RASAL2: variants seen among roughly 807,000 people sequenced by gnomAD.
The protein encoded by RASAL2 is ras GTPase-activating protein nGAP.
A neutral mutation model predicts 128.9 loss-of-function variants in RASAL2; 58 were observed. The observed-to-expected ratio is 0.45, with a 90% CI of 0.36 to 0.56. The LOEUF is 0.56. Among genes scored for constraint, RASAL2 ranks in the 20% least tolerant of loss-of-function variants. The pLI is 0.00. For missense variants in RASAL2, 1,360 were observed against 1,601.6 expected (o/e 0.85, Z 2.57); for synonymous variants, 561 against 580.8 (o/e 0.97, Z 0.49).
At chr1:178,268,747 C>T (rs973744199) in intron 1 of RASAL2, among the ~76,000 whole-genome samples, 4 of 152,138 alleles carry the variant, frequency 2.6e-5, no homozygotes, top group African/African-American at 4.8e-5. Flanking sequence ...GCATGCACCA[C>T]GGCTCCTGGC....
intron 1 of RASAL2, among the ~76,000 whole-genome samples, chr1:178,200,170 T>G (rs1054806029): frequency 6.6e-6 from 1 of 152,130 alleles, no homozygotes; most frequent in Admixed American, 6.6e-5. Context: ...TAATACAAAT[T>G]TTGGTACCAA....
At chr1:178,251,536 A>C (rs1444489604) in intron 1 of RASAL2, among the ~76,000 whole-genome samples, 8 of 152,238 alleles carry the variant, frequency 5.3e-5, no homozygotes, top group Admixed American at 5.2e-4. Flanking sequence ...ACATAGTTTT[A>C]ATTGAAATGA....
intron 1 of RASAL2, among the ~76,000 whole-genome samples, chr1:178,196,758 T>A (rs1205854424): frequency 6.6e-6 from 1 of 152,316 alleles, no homozygotes; most frequent in Non-Finnish European, 1.5e-5. Flanking sequence ...AAGGGATGAC[T>A]GTAAAAGACT....
chr1:178,133,663 C>T (rs1449777690), intron 1 of RASAL2, among the ~76,000 whole-genome samples: 1 of 152,078 alleles, frequency 6.6e-6, no homozygotes, highest in East Asian at 1.9e-4. Context: ...CTGGTTAGGG[C>T]TCTTGCCCTG....
At chr1:178,121,939 C>T (rs572019393) in intron 1 of RASAL2, among the ~76,000 whole-genome samples, 3 of 152,264 alleles carry the variant, frequency 2.0e-5, no homozygotes, top group African/African-American at 4.8e-5. Flanking sequence ...GACATCACCT[C>T]ATTTTTGGCT....
intron 1 of RASAL2, among the ~76,000 whole-genome samples, chr1:178,273,708 A>G (rs144914423): frequency 1.8e-4 from 28 of 152,334 alleles, no homozygotes; most frequent in South Asian, 6.2e-4. Flanking sequence ...TTGCCATCCA[A>G]TGCATTTTCA....
In RASAL2 at chr1:178,420,547, A is replaced by G. The variant is rs1212122012; in HGVS notation, c.601A>G (p.Arg201Gly). The G allele has an allele frequency of 6.2e-7, 1 of 1,613,188 alleles. No individual in the cohort carries two copies. The highest frequency in any genetic ancestry group is 2.2e-5 in the East Asian group (1 of 44,814). ...FSKRLKGSIK[R>G]TKSQSKLDRN... ...CAAGCGCCTGAAAGGCTCCATCAAGAGGACCAAAAGCCAGTCAAAGCTTGA... is the reference window on the plus strand; with the variant it reads ...CAAGCGCCTGAAAGGCTCCATCAAGGGGACCAAAAGCCAGTCAAAGCTTGA... The change falls in exon 5 of 18, where the codon AGG (arginine) becomes GGG (glycine). Residue 201 changes from arginine to glycine, a missense_variant. This residue lies in a region of RASAL2 where 617 missense variants were observed against 714.2 expected (regional missense o/e 0.86). Transcript: ENST00000367649.
intron 3 of RASAL2, among the ~76,000 whole-genome samples, chr1:178,358,833 C>T (rs1282115840): frequency 2.0e-5 from 3 of 152,112 alleles, no homozygotes; most frequent in Non-Finnish European, 4.4e-5. Context: ...CAAGGATGTT[C>T]ACAGCAGCAC....
intron 14 of RASAL2, among the ~76,000 whole-genome samples, chr1:178,459,466 C>G (rs773672752): frequency 6.6e-6 from 1 of 151,942 alleles, no homozygotes; most frequent in Non-Finnish European, 1.5e-5. Flanking sequence ...TACTAAAAAA[C>G]TTGAGATTAA....
chr1:178,227,263 GT>G (rs1457175900), intron 1 of RASAL2, among the ~76,000 whole-genome samples: 5 of 151,820 alleles, frequency 3.3e-5, no homozygotes, highest in Non-Finnish European at 5.9e-5. Flanking sequence ...TGGTGCTACA[GT>G]TTAGCGTCTT....
intron 4 of RASAL2, among the ~76,000 whole-genome samples, chr1:178,392,480 T>C (rs1203335695): frequency 1.3e-5 from 2 of 152,168 alleles, no homozygotes; most frequent in Non-Finnish European, 2.9e-5. Context: ...AAGACTGTGA[T>C]TGAGTTTGTT....
intron 4 of RASAL2, among the ~76,000 whole-genome samples, chr1:178,404,635 T>A (rs1176087322): frequency 6.7e-6 from 1 of 148,692 alleles, no homozygotes; most frequent in African/African-American, 2.5e-5. Flanking sequence ...CACCTCGGCC[T>A]CCCAAAGTAC....
chr1:178,467,196 C>T, intron 16 of RASAL2, 138 bp from the exon 17 acceptor site: 2 of 670,902 alleles, frequency 3.0e-6, no homozygotes, highest in Admixed American at 5.1e-5. Context: ...ATGTCTTATT[C>T]CAAGGTAGTA....
At chr1:178,304,773 T>C (rs574677970) in intron 3 of RASAL2, among the ~76,000 whole-genome samples, 6 of 152,294 alleles carry the variant, frequency 3.9e-5, no homozygotes, top group African/African-American at 1.2e-4. Context: ...ACCACTCTTA[T>C]TTGTTATAGT....
intron 3 of RASAL2, among the ~76,000 whole-genome samples, chr1:178,342,842 C>G (rs1186682292): frequency 3.3e-5 from 5 of 152,044 alleles, no homozygotes; most frequent in Admixed American, 1.3e-4. Flanking sequence ...TCTGTTTCTC[C>G]CTGCTTATAA....
chr1:178,382,424 A>G (rs1359237298), intron 3 of RASAL2, among the ~76,000 whole-genome samples: 2 of 152,168 alleles, frequency 1.3e-5, no homozygotes, highest in African/African-American at 4.8e-5. Flanking sequence ...ATTCTCTTTA[A>G]AATATGAAGA....
Position 178,332,508 on chromosome 1 carries a change from A to AAACAG in RASAL2, c.457+32392_457+32393insCAGAA, listed in dbSNP as rs566634981. Among the ~76,000 whole-genome samples, 1,129 of 152,224 alleles carry AAACAG rather than the reference A, an allele frequency of 7.4e-3. 16 individuals carry two copies. The highest frequency in any genetic ancestry group is 0.026 in the African/African-American group (1,066 of 41,536). ...CAATAAAGAACAACAAAACAAAACAAAAAACCTGTATTCTCAAAATCAATG... is the reference window on the plus strand; with the variant it reads ...CAATAAAGAACAACAAAACAAAACAAAACAGAAAACCTGTATTCTCAAAATCAATG... On this transcript the variant is annotated intron_variant, in intron 3 of 17. Coordinates refer to ENST00000367649, the MANE Select transcript of RASAL2 (RefSeq NM_170692.4).
At chr1:178,107,780 T>A (rs1659152615) in intron 1 of RASAL2, among the ~76,000 whole-genome samples, 1 of 152,212 alleles carries the variant, frequency 6.6e-6, no homozygotes, top group African/African-American at 2.4e-5. Context: ...TCTTGTAACA[T>A]GTATAAAAAT....
chr1:178,435,640 A>G (rs1423296916), intron 5 of RASAL2, among the ~76,000 whole-genome samples: 1 of 152,152 alleles, frequency 6.6e-6, no homozygotes, highest in African/African-American at 2.4e-5. Context: ...GAGGTCTTGA[A>G]GTTTACACAG....
Sources: gnomAD v4.1 joint callset for allele counts (sites outside exome capture counted in the v4.1 genomes callset) on GRCh38, gnomAD v4.1.1 for gene constraint, gnomAD v4.1.1 regional missense constraint, MANE v1.5 for transcripts, NCBI Gene and HGNC (gene_info 2026-07-23, HGNC 2026-07-21) for gene names.